Variants in FUT9 observed in about 807,000 individuals in gnomAD.
FUT9 encodes fucosyltransferase 9, also known as 4-galactosyl-N-acetylglucosaminide 3-alpha-L-fucosyltransferase 9.
FUT9 carries 15 observed loss-of-function variants against 29.7 expected under a neutral mutation model. That is an observed-to-expected ratio of 0.51 (90% confidence interval 0.34 to 0.78). The LOEUF is 0.78. FUT9 is among the 30% of genes least tolerant of loss of function. The pLI, the probability that FUT9 is intolerant of heterozygous loss-of-function variation, is 0.01. For missense variants in FUT9, 319 were observed against 425.4 expected, an observed-to-expected ratio of 0.75 and a Z score of 2.20; for synonymous variants, 169 against 153.7, an observed-to-expected ratio of 1.10 and a Z score of -0.74.
Position 96,205,729 on chromosome 6 carries a change from A to C in FUT9, c.*1494A>C, listed in dbSNP as rs1419571360. 1 of 166,438 alleles carries C rather than the reference A, an allele frequency of 6.0e-6. No homozygotes were observed. Among genetic ancestry groups the C allele is most frequent in the Admixed American group, 6.5e-5 (1 of 15,280 alleles). The allele number at this position is 166,438 out of a possible 1,614,324, so 10.3% of individuals were successfully genotyped here. ...TTCCTTTCAGGCCAATAATCCACCC[A>C]AAAATTAGAATGTTCTGAGACATCC... On this transcript the variant is annotated 3_prime_UTR_variant, in exon 3 of 3. Coordinates refer to ENST00000302103, the MANE Select transcript of FUT9 (RefSeq NM_006581.4).
At chr6:96,050,292 T>C (rs553070947) in intron 1 of FUT9, among the ~76,000 whole-genome samples, 11 of 152,262 alleles carry the variant, frequency 7.2e-5, no homozygotes, top group African/African-American at 1.2e-4. Context: ...CCAACCTAAT[T>C]TGAGTTAAAA....
chr6:96,030,110 A>G (rs1475369638), intron 1 of FUT9, among the ~76,000 whole-genome samples: 2 of 151,634 alleles, frequency 1.3e-5, no homozygotes, highest in African/African-American at 4.8e-5. Context: ...AACTATATAG[A>G]AGGCCTGAAC....
intron 2 of FUT9, among the ~76,000 whole-genome samples, chr6:96,151,387 G>A (rs368935641): frequency 4.2e-4 from 64 of 152,260 alleles, no homozygotes; most frequent in African/African-American, 1.5e-3. Context: ...ATCTGTCAAA[G>A]AGAATGAAGA....
intron 2 of FUT9, among the ~76,000 whole-genome samples, chr6:96,175,217 A>G (rs920568623): frequency 6.6e-6 from 1 of 152,128 alleles, no homozygotes; most frequent in Non-Finnish European, 1.5e-5. Context: ...TAGGAGAGAA[A>G]TGTTGGAGCT....
chr6:96,020,167 C>T (rs1770042882), intron 1 of FUT9, among the ~76,000 whole-genome samples: 1 of 152,064 alleles, frequency 6.6e-6, no homozygotes, highest in Admixed American at 6.6e-5. Context: ...AACTAGCCCA[C>T]CTAAAAATCT....
At chr6:96,137,570 C>A (rs887687148) in intron 2 of FUT9, among the ~76,000 whole-genome samples, 3 of 151,898 alleles carry the variant, frequency 2.0e-5, no homozygotes, top group African/African-American at 7.3e-5. Context: ...ATTGCCTCAG[C>A]AAGGTGATAA....
intron 1 of FUT9, among the ~76,000 whole-genome samples, chr6:96,091,034 G>A (rs1251764110): frequency 1.3e-5 from 2 of 151,990 alleles, no homozygotes; most frequent in South Asian, 2.1e-4. Context: ...ATATATTCTG[G>A]TGGGGAGGAG....
At chr6:96,166,971 T>A (rs1025412075) in intron 2 of FUT9, among the ~76,000 whole-genome samples, 1 of 152,178 alleles carries the variant, frequency 6.6e-6, no homozygotes, top group Admixed American at 6.6e-5. Flanking sequence ...TACAGATGCA[T>A]TTTTTAAAAA....
At chr6:96,020,098 T>A (rs909709606) in intron 1 of FUT9, among the ~76,000 whole-genome samples, 7 of 152,124 alleles carry the variant, frequency 4.6e-5, no homozygotes, top group Non-Finnish European at 1.0e-4. Context: ...TCAACCAGAC[T>A]TTTTCATTCA....
In FUT9 at chr6:96,133,562, C is replaced by A. The variant is rs149106663; in HGVS notation, c.-9+19435C>A. 3.9e-4 allele frequency among the ~76,000 whole-genome samples: 59 copies of A among 152,022 alleles called. No homozygotes were observed. In the East Asian group the frequency reaches 9.9e-3, roughly 25 times the overall value. ...ATTTAACCACACTAGGTTCCACATT[C>A]TCATCTATAAAATGAGGATGAAACT... On this transcript the variant is annotated intron_variant, in intron 2 of 2. Transcript: ENST00000302103.
intron 2 of FUT9, among the ~76,000 whole-genome samples, chr6:96,198,226 C>T (rs1477772906): frequency 6.6e-6 from 1 of 151,874 alleles, no homozygotes; most frequent in Non-Finnish European, 1.5e-5. Context: ...ACTAACTCGT[C>T]ATCTAGCATT....
intron 1 of FUT9, among the ~76,000 whole-genome samples, chr6:96,111,540 AACACACACACACAC>A (rs66491542): frequency 6.1e-4 from 89 of 145,576 alleles, no homozygotes; most frequent in South Asian, 1.3e-3. Context: ...TGATTTGGGA[AACACACACACACAC>A]ACACACACAC....
intron 2 of FUT9, among the ~76,000 whole-genome samples, chr6:96,148,043 A>G (rs1267271365): frequency 5.1e-5 from 5 of 98,188 alleles, no homozygotes; most frequent in Non-Finnish European, 7.0e-5. Context: ...GTTGGAAAGA[A>G]AAAAAAAATA....
chr6:96,026,840 T>G (rs1010252788), intron 1 of FUT9, among the ~76,000 whole-genome samples: 1 of 151,676 alleles, frequency 6.6e-6, no homozygotes, highest in African/African-American at 2.4e-5. Flanking sequence ...TATTTATGTT[T>G]CCCTGACTGG....
Position 96,212,436 on chromosome 6 carries a change from T to C in FUT9, c.*8201T>C, listed in dbSNP as rs893272632. On this transcript the variant is annotated 3_prime_UTR_variant, in exon 3 of 3. Transcript: ENST00000302103. Reference sequence around the variant, plus strand: ...ACCTGGAAGTAGTCTACTTTTTAGATAAAAGATAATCTATCTTGAATATTT... The same window carrying C: ...ACCTGGAAGTAGTCTACTTTTTAGACAAAAGATAATCTATCTTGAATATTT... The C allele has an allele frequency of 2.4e-6, 1 of 411,524 alleles. No homozygotes were observed. The allele number at this position is 411,524 out of a possible 1,614,324, so 25.5% of individuals were successfully genotyped here. A position where few individuals can be genotyped will look rare whatever the true frequency, so the allele number is the denominator to read the frequency against.
In FUT9 at chr6:96,114,049, T is replaced by C. The variant is rs1327058234; in HGVS notation, c.-87T>C. The stretch of plus-strand genomic sequence containing the variant: ...TCTCTTTCTCATCAGATTTAGAATG[T>C]AATAACTCAAGGATTTGATAATACA... On this transcript the variant is annotated 5_prime_UTR_variant, in exon 2 of 3. An upstream open reading frame in the 5' UTR loses its in-frame stop. Transcript: ENST00000302103. 2 of 152,164 alleles carry C rather than the reference T, an allele frequency of 1.3e-5. No individual in the cohort carries two copies. Among genetic ancestry groups the C allele is most frequent in the East Asian group, 1.9e-4 (1 of 5,186 alleles). The allele number at this position is 152,164 out of a possible 1,614,324, so 9.4% of individuals were successfully genotyped here. A position where few individuals can be genotyped will look rare whatever the true frequency, so the allele number is the denominator to read the frequency against.
chr6:96,040,738 T>C (rs1020221124), intron 1 of FUT9, among the ~76,000 whole-genome samples: 3 of 152,092 alleles, frequency 2.0e-5, no homozygotes, highest in Non-Finnish European at 4.4e-5. Flanking sequence ...GCTTGAATGA[T>C]GGAATGTGGG....
chr6:96,190,493 G>A (rs997644771), intron 2 of FUT9, among the ~76,000 whole-genome samples: 1 of 152,270 alleles, frequency 6.6e-6, no homozygotes, highest in South Asian at 2.1e-4. Flanking sequence ...ATAATACCCT[G>A]CAGATTGTTT....
In FUT9 at chr6:96,204,821, G is replaced by A. The variant is rs559326999; in HGVS notation, c.*586G>A. ...AATAAGAAAGATATGAAGCAGAACT[G>A]TTCTATTCGGGAAGCTATTAGACTT... On this transcript the variant is annotated 3_prime_UTR_variant, in exon 3 of 3. Coordinates refer to ENST00000302103, the MANE Select transcript of FUT9 (RefSeq NM_006581.4). The A allele has an allele frequency of 5.4e-5, 9 of 166,626 alleles. No homozygotes were observed. In the East Asian group the frequency reaches 1.2e-3, roughly 21 times the overall value. 10.3% of individuals were successfully genotyped at this position (166,626 alleles called of 1,614,324 possible). A position where few individuals can be genotyped will look rare whatever the true frequency, so the allele number is the denominator to read the frequency against.
Sources: gnomAD v4.1 joint callset for allele counts (sites outside exome capture counted in the v4.1 genomes callset) on GRCh38, gnomAD v4.1.1 for gene constraint, MANE v1.5 for transcripts, NCBI Gene and HGNC (gene_info 2026-07-23, HGNC 2026-07-21) for gene names.